CAST: variants seen among roughly 807,000 people sequenced by gnomAD.
CAST encodes the protein MIR583 host.
In CAST, 76 loss-of-function variants were observed where a neutral mutation model predicts 119.6. The observed-to-expected ratio is 0.64, with a 90% CI of 0.53 to 0.77. The LOEUF (loss-of-function observed/expected upper bound fraction) is 0.77. Ranked by LOEUF, CAST falls within the 30% of genes least tolerant of loss-of-function variation. The probability of loss-of-function intolerance (pLI) is 0.00; values close to 1 mark genes in which losing one functional copy is unlikely to be tolerated. For missense variants in CAST, 953 were observed against 946.5 expected, an observed-to-expected ratio of 1.01 and a Z score of -0.09; for synonymous variants, 319 against 331.6, an observed-to-expected ratio of 0.96 and a Z score of 0.41.
At chr5:96,001,961 G>A in the CAST span, among the ~76,000 whole-genome samples, 1 of 152,084 alleles carries the variant, frequency 6.6e-6, no homozygotes, top group Non-Finnish European at 1.5e-5. Flanking sequence ...AGAACCCCTC[G>A]AATTCTTCTG....
chr5:96,339,991 A>G, the CAST span, among the ~76,000 whole-genome samples: 1 of 152,160 alleles, frequency 6.6e-6, no homozygotes, highest in Non-Finnish European at 1.5e-5. Flanking sequence ...CTAGACACTT[A>G]AAAGTCTTGC....
chr5:96,027,096 G>A, the CAST span, among the ~76,000 whole-genome samples: 1 of 152,056 alleles, frequency 6.6e-6, no homozygotes, highest in Non-Finnish European at 1.5e-5. Context: ...GCACATGCCT[G>A]TAGTCCCAGC....
At chr5:96,212,210 A>G in the CAST span, among the ~76,000 whole-genome samples, 445 of 152,044 alleles carry the variant, frequency 2.9e-3, 17 homozygotes, top group East Asian at 0.052. Flanking sequence ...TTCTTGAGGT[A>G]GGAGTTTAGG....
the CAST span, among the ~76,000 whole-genome samples, chr5:96,107,410 G>T: frequency 6.6e-6 from 1 of 151,888 alleles, no homozygotes; most frequent in African/African-American, 2.4e-5. Flanking sequence ...CTCTTTTAGG[G>T]CGGGCCTGGT....
chr5:96,377,227 TAAG>T, the CAST span, among the ~76,000 whole-genome samples: 1 of 151,984 alleles, frequency 6.6e-6, no homozygotes, highest in Non-Finnish European at 1.5e-5. Flanking sequence ...TACAAGAAGC[TAAG>T]TTTAATTTAT....
the CAST span, among the ~76,000 whole-genome samples, chr5:96,500,673 C>T: frequency 2.0e-5 from 3 of 152,184 alleles, no homozygotes; most frequent in African/African-American, 7.2e-5. Flanking sequence ...GTCCCTTTGT[C>T]TCAGAGAAAA....
At chr5:96,352,686 A>G in the CAST span, among the ~76,000 whole-genome samples, 1 of 152,188 alleles carries the variant, frequency 6.6e-6, no homozygotes, top group Non-Finnish European at 1.5e-5. Context: ...TATGCAGTTA[A>G]TATGGTTTGG....
At chr5:96,163,276 CT>C in the CAST span, among the ~76,000 whole-genome samples, 3 of 152,144 alleles carry the variant, frequency 2.0e-5, 1 homozygote, top group Admixed American at 2.0e-4. Flanking sequence ...CATGTTCTTT[CT>C]TTTTTTCTGT....
At chr5:96,273,589 T>C in the CAST span, among the ~76,000 whole-genome samples, 1 of 152,216 alleles carries the variant, frequency 6.6e-6, no homozygotes, top group Non-Finnish European at 1.5e-5. Flanking sequence ...TGGTTATATA[T>C]TGCTGACTGA....
chr5:96,454,752 AT>A, the CAST span, among the ~76,000 whole-genome samples: 1 of 152,238 alleles, frequency 6.6e-6, no homozygotes, highest in African/African-American at 2.4e-5. Flanking sequence ...TAGGCGGCTC[AT>A]TGATCTCTGA....
chr5:96,645,701 A>C (rs2150204098), intron 1 of CAST, among the ~76,000 whole-genome samples: 1 of 152,038 alleles, frequency 6.6e-6, no homozygotes, highest in African/African-American at 2.4e-5. Context: ...AATATTAATT[A>C]GTGGGAAAAC....
At chr5:96,529,040 C>A (rs879656291), upstream of CAST, among the ~76,000 whole-genome samples, 1 of 152,240 alleles carries the variant, frequency 6.6e-6, no homozygotes, top group Non-Finnish European at 1.5e-5. Context: ...TATTTGGTGA[C>A]ATTTATTTGG....
chr5:96,088,955 A>G, the CAST span, among the ~76,000 whole-genome samples: 2 of 152,116 alleles, frequency 1.3e-5, no homozygotes, highest in African/African-American at 4.8e-5. Context: ...AGTTACAGCC[A>G]ACTGCTTGTT....
intron 1 of CAST, among the ~76,000 whole-genome samples, chr5:96,647,139 G>C (rs1580857457): frequency 6.6e-6 from 1 of 152,282 alleles, no homozygotes; most frequent in East Asian, 1.9e-4. Context: ...TTGCTGCTTA[G>C]TGACATACAC....
the CAST span, among the ~76,000 whole-genome samples, chr5:96,436,959 G>A: frequency 7.2e-4 from 109 of 152,280 alleles, no homozygotes; most frequent in African/African-American, 2.6e-3. Flanking sequence ...TCACATGATG[G>A]AAATAGACAT....
the CAST span, among the ~76,000 whole-genome samples, chr5:96,145,282 G>A: frequency 6.6e-6 from 1 of 152,122 alleles, no homozygotes; most frequent in African/African-American, 2.4e-5. Flanking sequence ...ATCTTGTTTG[G>A]TTACTACATT....
intron 1 of CAST, among the ~76,000 whole-genome samples, chr5:96,618,993 C>G (rs1446409230): frequency 6.6e-6 from 1 of 152,212 alleles, no homozygotes; most frequent in Non-Finnish European, 1.5e-5. Flanking sequence ...AATCAGCACT[C>G]TGTATCTAGC....
At chr5:96,543,015 C>T (rs1371046426) in intron 1 of CAST, among the ~76,000 whole-genome samples, 2 of 152,182 alleles carry the variant, frequency 1.3e-5, no homozygotes, top group Non-Finnish European at 2.9e-5. Flanking sequence ...ACATTTGACC[C>T]AGCCATCCCA....
At chr5:96,489,529 T>A in the CAST span, among the ~76,000 whole-genome samples, 1 of 152,180 alleles carries the variant, frequency 6.6e-6, no homozygotes, top group African/African-American at 2.4e-5. Context: ...AAATCCATAA[T>A]CAGGAGAGGG....
Sources: allele counts gnomAD v4.1 joint callset (sites outside exome capture counted in the v4.1 genomes callset), GRCh38; gene constraint gnomAD v4.1.1; transcripts MANE v1.5; gene names NCBI Gene and HGNC (gene_info 2026-07-23, HGNC 2026-07-21).